The following MAP3K20 variants were observed in gnomAD, a reference collection of about 807,000 sequenced individuals.
MAP3K20 encodes mitogen-activated protein kinase kinase kinase 20, also known as HCCS-4.
MAP3K20 carries 40 observed loss-of-function variants against 85.7 expected under a neutral mutation model. That is an observed-to-expected ratio of 0.47 (90% CI 0.36 to 0.61). The LOEUF is 0.61. MAP3K20 is among the 20% of genes least tolerant of loss of function. MAP3K20 has a pLI of 0.00. For synonymous variants in MAP3K20, 325 were observed against 327.7 expected (o/e 0.99, Z 0.09); for missense variants, 817 against 961.7 (o/e 0.85, Z 1.99).
intron 16 of MAP3K20, among the ~76,000 whole-genome samples, chr2:173,246,734 A>G (rs1220715621): frequency 1.3e-5 from 2 of 152,186 alleles, no homozygotes; most frequent in African/African-American, 2.4e-5. Context: ...CCAATAAGGC[A>G]AAGGAAACCT....
At chr2:173,094,050 TA>T (rs1687384806) in intron 2 of MAP3K20, among the ~76,000 whole-genome samples, 1 of 149,276 alleles carries the variant, frequency 6.7e-6, no homozygotes, top group Non-Finnish European at 1.5e-5. Context: ...GATGACGAGT[TA>T]GTGGGTGCAG....
chr2:173,217,644 GACTA>G (rs1353617652), intron 11 of MAP3K20, among the ~76,000 whole-genome samples: 1 of 152,154 alleles, frequency 6.6e-6, no homozygotes, highest in Non-Finnish European at 1.5e-5. Context: ...GCAGCTCACT[GACTA>G]ACAGAGTCTT....
chr2:173,088,189 A>G (rs1687194176), intron 1 of MAP3K20, among the ~76,000 whole-genome samples: 1 of 152,260 alleles, frequency 6.6e-6, no homozygotes, highest in Non-Finnish European at 1.5e-5. Context: ...ACAAAAAAGC[A>G]AAAACAGGGC....
chr2:173,170,616 G>A (rs1325396361), intron 3 of MAP3K20, among the ~76,000 whole-genome samples: 2 of 151,944 alleles, frequency 1.3e-5, no homozygotes, highest in South Asian at 2.1e-4. Context: ...AAACCTTTAA[G>A]TATTAGCCAC....
At chr2:173,232,489 G>A (rs1190233711) in intron 14 of MAP3K20, 30 bp downstream of exon 14, 2 of 1,603,738 alleles carry the variant, frequency 1.2e-6, no homozygotes, top group South Asian at 2.2e-5. Flanking sequence ...CATTCCATCA[G>A]CAAACCCTTT....
In MAP3K20 at chr2:173,232,309, AC is replaced by A. The variant is rs1419867736; in HGVS notation, c.1064-10del. ...TCTAATTTTATTCTGCTTTCTAATCACTTCCTTCAGGTGACTCTTCAGCAGA... is the reference window on the plus strand; with the variant it reads ...TCTAATTTTATTCTGCTTTCTAATCATTCCTTCAGGTGACTCTTCAGCAGA... On this transcript the variant is annotated splice_polypyrimidine_tract_variant and intron_variant, in intron 13 of 19. Transcript: ENST00000375213. The A allele has an allele frequency of 6.2e-7, 1 of 1,613,988 alleles. No individual in the cohort carries two copies. The highest frequency in any genetic ancestry group is 8.5e-7 in the Non-Finnish European group (1 of 1,180,024).
Position 173,169,797 on chromosome 2 carries a change from T to G in MAP3K20, c.160-8T>G. The G allele has an allele frequency of 1.9e-6, 3 of 1,608,368 alleles. No individual in the cohort carries two copies. Among genetic ancestry groups the G allele is most frequent in the Non-Finnish European group, 2.5e-6 (3 of 1,178,492 alleles). On this transcript the variant is annotated splice_polypyrimidine_tract_variant and splice_region_variant and intron_variant, in intron 2 of 19. Coordinates refer to ENST00000375213, the MANE Select transcript of MAP3K20 (RefSeq NM_016653.3). ...GTTATGCAACTTTGCATTTTATTTT[T>G]TGTACAGGCAGAAATACTCAGTGTC...
At chr2:173,228,615 G>A (rs974942940) in intron 11 of MAP3K20, among the ~76,000 whole-genome samples, 1 of 152,034 alleles carries the variant, frequency 6.6e-6, no homozygotes, top group Non-Finnish European at 1.5e-5. Context: ...TAAGTAAACC[G>A]AGATTCAGGT....
intron 2 of MAP3K20, among the ~76,000 whole-genome samples, chr2:173,130,267 A>G (rs1574040687): frequency 6.6e-6 from 1 of 152,230 alleles, no homozygotes; most frequent in African/African-American, 2.4e-5. Flanking sequence ...TTAAGCTAGT[A>G]TGGAAAACAA....
At chr2:173,166,860 G>A (rs1002407123) in intron 2 of MAP3K20, 1 of 150,400 alleles carries the variant, frequency 6.6e-6, no homozygotes, top group African/African-American at 2.4e-5. Flanking sequence ...AGGAAAAACA[G>A]CAATTCAGTG....
intron 12 of MAP3K20, 97 bp from the exon 13 acceptor site, chr2:173,232,095 A>G: frequency 6.9e-7 from 1 of 1,439,334 alleles, no homozygotes; most frequent in South Asian, 1.2e-5. Flanking sequence ...CAGGAATTAA[A>G]GTTATTTTGA....
At chr2:173,182,068 A>T (rs1425656855) in intron 3 of MAP3K20, among the ~76,000 whole-genome samples, 1 of 152,086 alleles carries the variant, frequency 6.6e-6, no homozygotes, top group Non-Finnish European at 1.5e-5. Flanking sequence ...AAAGAACGAG[A>T]CCCTGACTCC....
In MAP3K20 at chr2:173,174,475, G is replaced by C. The variant is rs768241653; in HGVS notation, c.247+4583G>C. Among the ~76,000 whole-genome samples the C allele has an allele frequency of 8.7e-4, 133 of 152,182 alleles. 3 individuals carry two copies. Among genetic ancestry groups the C allele is most frequent in the Non-Finnish European group, 3.1e-4 (21 of 68,038 alleles). On this transcript the variant is annotated intron_variant, in intron 3 of 19. Coordinates refer to ENST00000375213, the MANE Select transcript of MAP3K20 (RefSeq NM_016653.3). The stretch of plus-strand genomic sequence containing the variant: ...ATGTGGTGTTTGGTTTTCTGTTCCT[G>C]TGTTAGTTTGCTGAGAATGATGGTT...
intron 2 of MAP3K20, among the ~76,000 whole-genome samples, chr2:173,160,983 G>A (rs938049712): frequency 6.6e-6 from 1 of 152,218 alleles, no homozygotes; most frequent in Admixed American, 6.5e-5. Flanking sequence ...TGGCTCATCT[G>A]TAGAGGTGAC....
intron 2 of MAP3K20, chr2:173,166,952 G>A (rs1029546473): frequency 1.8e-4 from 22 of 120,474 alleles, no homozygotes; most frequent in African/African-American, 7.2e-4. Context: ...TCGCTCTTTC[G>A]CCCAGGCTGG....
chr2:173,134,654 A>G (rs1158865845), intron 2 of MAP3K20, among the ~76,000 whole-genome samples: 2 of 151,120 alleles, frequency 1.3e-5, no homozygotes, highest in Non-Finnish European at 2.9e-5. Flanking sequence ...CTCTGGAGCT[A>G]CATACATTGG....
At chr2:173,210,863 GCTTT>G (rs1423807943) in intron 10 of MAP3K20, 1 of 151,960 alleles carries the variant, frequency 6.6e-6, no homozygotes, top group Non-Finnish European at 1.5e-5. Flanking sequence ...ACTTCTTTGG[GCTTT>G]CTGTTTGTTG....
In MAP3K20 at chr2:173,153,847, A is replaced by G. The variant is rs1006766027; in HGVS notation, c.160-15958A>G. On this transcript the variant is annotated intron_variant, in intron 2 of 19. Transcript: ENST00000375213. ...ACATATTACAATGTAAATGCTCTGT[A>G]AGTAATTCTTATCACATATTTTTAC... 2.0e-5 allele frequency among the ~76,000 whole-genome samples: 3 copies of G among 152,326 alleles called. No individual in the cohort carries two copies. In the Middle Eastern group the frequency reaches 0.01, roughly 518 times the overall value.
chr2:173,259,958 AG>A (rs2106355489), intron 17 of MAP3K20, among the ~76,000 whole-genome samples: 1 of 152,344 alleles, frequency 6.6e-6, no homozygotes, highest in East Asian at 1.9e-4. Context: ...CAACATTAAC[AG>A]GCTTATAAGA....
Sources: gnomAD v4.1 joint callset for allele counts (sites outside exome capture counted in the v4.1 genomes callset) on GRCh38, gnomAD v4.1.1 for gene constraint, MANE v1.5 for transcripts, NCBI Gene and HGNC (gene_info 2026-07-23, HGNC 2026-07-21) for gene names.